The following NTRK3 variants were observed in gnomAD, a reference collection of about 807,000 sequenced individuals.
NTRK3 encodes NT-3 growth factor receptor.
A neutral mutation model predicts 91.7 loss-of-function variants in NTRK3; 24 were observed. That is an observed-to-expected ratio of 0.26 (90% confidence interval 0.19 to 0.37). The LOEUF (loss-of-function observed/expected upper bound fraction) is 0.37. Ranked by LOEUF, NTRK3 falls within the 10% of genes least tolerant of loss-of-function variation. The probability of loss-of-function intolerance (pLI) is 1.00; values close to 1 mark genes in which losing one functional copy is unlikely to be tolerated. For synonymous variants in NTRK3, 483 were observed against 404.0 expected (o/e 1.20, Z -2.34); for missense variants, 880 against 1,068.9 (o/e 0.82, Z 2.46).
intron 14 of NTRK3, among the ~76,000 whole-genome samples, chr15:88,006,475 G>T (rs981100434): frequency 6.6e-6 from 1 of 152,300 alleles, no homozygotes; most frequent in South Asian, 2.1e-4. Context: ...ACAACTGCAG[G>T]TCACATGAAA....
chr15:88,015,894 G>A (rs1037878307), intron 14 of NTRK3, among the ~76,000 whole-genome samples: 2 of 151,928 alleles, frequency 1.3e-5, no homozygotes, highest in Non-Finnish European at 2.9e-5. Context: ...GCTCCAATGT[G>A]AATATAGCCT....
At chr15:88,197,106 A>AC (rs1270556083) in intron 3 of NTRK3, among the ~76,000 whole-genome samples, 1 of 125,440 alleles carries the variant, frequency 8.0e-6, no homozygotes, top group Non-Finnish European at 1.6e-5. Flanking sequence ...AAAAAAAAAA[A>AC]AAAAAAAAAA....
At chr15:88,125,422 C>G (rs192093857) in intron 13 of NTRK3, among the ~76,000 whole-genome samples, 1 of 152,336 alleles carries the variant, frequency 6.6e-6, no homozygotes, top group Non-Finnish European at 1.5e-5. Context: ...TAACACCAAC[C>G]TGAGTCCTGG....
chr15:88,003,385 T>C (rs2076252681), intron 14 of NTRK3, among the ~76,000 whole-genome samples: 1 of 152,180 alleles, frequency 6.6e-6, no homozygotes, highest in African/African-American at 2.4e-5. Context: ...CTAGAGAAAA[T>C]TCTTGACTGG....
At chr15:88,192,846 CCTGA>C (rs1268117561) in intron 3 of NTRK3, among the ~76,000 whole-genome samples, 2 of 152,152 alleles carry the variant, frequency 1.3e-5, no homozygotes, top group Non-Finnish European at 2.9e-5. Context: ...AGAAGCCTGC[CCTGA>C]CCCCACTGTG....
chr15:88,153,169 T>A (rs2043550235), intron 5 of NTRK3, among the ~76,000 whole-genome samples: 1 of 152,352 alleles, frequency 6.6e-6, no homozygotes, highest in Admixed American at 6.5e-5. Flanking sequence ...AAAGACAGCA[T>A]TTTGAAAGGT....
chr15:87,965,291 C>T (rs1018177454), intron 14 of NTRK3, among the ~76,000 whole-genome samples: 5 of 152,180 alleles, frequency 3.3e-5, no homozygotes, highest in African/African-American at 1.2e-4. Context: ...GAAAAAAGCA[C>T]AATGTTATTA....
At chr15:87,877,167 T>C in intron 18 of NTRK3, 47 bp from the exon 20 acceptor site, 2 of 1,600,804 alleles carry the variant, frequency 1.2e-6, no homozygotes, top group South Asian at 1.1e-5. Flanking sequence ...AGCTCAGCCT[T>C]GGTCCTGTGG....
chr15:88,031,126 T>C (rs1259508946), intron 14 of NTRK3, among the ~76,000 whole-genome samples: 1 of 152,192 alleles, frequency 6.6e-6, no homozygotes. Flanking sequence ...AAATAAGGTG[T>C]CTTTAAACAG....
intron 17 of NTRK3, among the ~76,000 whole-genome samples, chr15:87,920,355 C>A (rs1431912866): frequency 6.6e-6 from 1 of 152,202 alleles, no homozygotes; most frequent in Non-Finnish European, 1.5e-5. Context: ...CTGAGATGTG[C>A]ATATCACGAC....
At chr15:88,059,294 A>T (rs1385557860) in intron 13 of NTRK3, among the ~76,000 whole-genome samples, 1 of 152,192 alleles carries the variant, frequency 6.6e-6, no homozygotes, top group East Asian at 1.9e-4. Flanking sequence ...TGTAATTCAG[A>T]TAGATCAGCG....
chr15:88,071,530 G>A (rs1311068010), intron 13 of NTRK3, among the ~76,000 whole-genome samples: 4 of 152,208 alleles, frequency 2.6e-5, no homozygotes, highest in Non-Finnish European at 5.9e-5. Context: ...TGATACAGCT[G>A]AGATAAGGAA....
At chr15:88,044,895 T>A (rs191952998) in intron 13 of NTRK3, among the ~76,000 whole-genome samples, 1 of 152,326 alleles carries the variant, frequency 6.6e-6, no homozygotes, top group African/African-American at 2.4e-5. Flanking sequence ...CATGCTGAGT[T>A]CCACAAGCCC....
At chr15:88,098,286 G>A (rs2049827347) in intron 13 of NTRK3, among the ~76,000 whole-genome samples, 1 of 152,194 alleles carries the variant, frequency 6.6e-6, no homozygotes, top group South Asian at 2.1e-4. Context: ...GGGAGGCAAG[G>A]TGAGAGAGTG....
At chr15:88,229,736 C>T (rs1271479699) in intron 3 of NTRK3, among the ~76,000 whole-genome samples, 2 of 152,228 alleles carry the variant, frequency 1.3e-5, no homozygotes, top group African/African-American at 4.8e-5. Flanking sequence ...CACTTGCTCA[C>T]TCCCACCTTC....
intron 14 of NTRK3, among the ~76,000 whole-genome samples, chr15:87,989,961 TTTTC>T (rs1157890232): frequency 6.6e-6 from 1 of 152,162 alleles, no homozygotes; most frequent in Admixed American, 6.6e-5. Context: ...TTTTTTCTGG[TTTTC>T]TTTGTTTTTT....
intron 13 of NTRK3, among the ~76,000 whole-genome samples, chr15:88,075,748 T>A (rs1052802285): frequency 6.6e-6 from 1 of 152,206 alleles, no homozygotes; most frequent in African/African-American, 2.4e-5. Context: ...GATACTGTTT[T>A]GTAGGCCACA....
chr15:87,904,023 T>A (rs1183305446), intron 17 of NTRK3, among the ~76,000 whole-genome samples: 1 of 152,160 alleles, frequency 6.6e-6, no homozygotes, highest in African/African-American at 2.4e-5. Flanking sequence ...GACATGGAAA[T>A]AAACAGGTGT....
intron 16 of NTRK3, among the ~76,000 whole-genome samples, chr15:87,931,924 G>A (rs1250547852): frequency 6.6e-6 from 1 of 152,210 alleles, no homozygotes; most frequent in African/African-American, 2.4e-5. Context: ...AGAGTTCAAT[G>A]AGATTCAAAT....
Sources: gnomAD v4.1 joint callset for allele counts (sites outside exome capture counted in the v4.1 genomes callset) on GRCh38, gnomAD v4.1.1 for gene constraint, MANE v1.5 for transcripts, NCBI Gene and HGNC (gene_info 2026-07-23, HGNC 2026-07-21) for gene names.